CCDC171: variants seen among roughly 807,000 people sequenced by gnomAD.
CCDC171 encodes the protein coiled-coil domain-containing protein 171.
Under a neutral mutation model 168.2 loss-of-function variants are expected in CCDC171, and 177 were observed. The observed-to-expected ratio is 1.05, with a 90% confidence interval of 0.93 to 1.19. The LOEUF (loss-of-function observed/expected upper bound fraction) is 1.19, where lower values mean the gene tolerates loss of function less well. Among genes scored for constraint, CCDC171 ranks in the 50% most tolerant of loss-of-function variants. The pLI is 0.00. For synonymous variants in CCDC171, 687 were observed against 540.8 expected (o/e 1.27, Z -3.75); for missense variants, 1,991 against 1,539.0 (o/e 1.29, Z -4.91).
In CCDC171 at chr9:15,874,515, T is replaced by C. The variant is rs766432519; in HGVS notation, c.3469-17T>C. The C allele has an allele frequency of 4.4e-6, 7 of 1,579,496 alleles. No homozygotes were observed. Among genetic ancestry groups the C allele is most frequent in the Non-Finnish European group, 6.0e-6 (7 of 1,163,068 alleles). ...TCTGAAGGGGAATTACCATTGATGCTGTTTTTTTCCCTTTAGGTCAGAGAT... is the reference window on the plus strand; with the variant it reads ...TCTGAAGGGGAATTACCATTGATGCCGTTTTTTTCCCTTTAGGTCAGAGAT... On this transcript the variant is annotated splice_polypyrimidine_tract_variant and intron_variant, in intron 23 of 25. Transcript: ENST00000380701.
chr9:15,823,865 A>G (rs997189613), intron 21 of CCDC171, among the ~76,000 whole-genome samples: 3 of 152,140 alleles, frequency 2.0e-5, no homozygotes, highest in Non-Finnish European at 4.4e-5. Flanking sequence ...GATTTACATG[A>G]CAGAGAAAAA....
intron 10 of CCDC171, among the ~76,000 whole-genome samples, chr9:15,694,630 T>C (rs952603879): frequency 6.6e-6 from 1 of 152,204 alleles, no homozygotes; most frequent in South Asian, 2.1e-4. Context: ...CGTACTTCCC[T>C]TATCCTCATC....
intron 21 of CCDC171, among the ~76,000 whole-genome samples, chr9:15,806,683 A>C (rs1049581418): frequency 6.6e-6 from 1 of 151,988 alleles, no homozygotes; most frequent in Admixed American, 6.6e-5. Flanking sequence ...AATCTTGGAA[A>C]ATCTGATGAT....
intron 7 of CCDC171, among the ~76,000 whole-genome samples, chr9:15,646,146 T>C (rs1426537779): frequency 6.6e-6 from 1 of 152,158 alleles, no homozygotes; most frequent in Non-Finnish European, 1.5e-5. Flanking sequence ...CCAGCCAAAC[T>C]AAGCTTCATA....
chr9:15,623,091 A>G lies in CCDC171; in HGVS notation c.676-176A>G, dbSNP rs570766000. Among the ~76,000 whole-genome samples the G allele has an allele frequency of 7.2e-5, 11 of 152,324 alleles. 1 individual carries two copies. The South Asian group carries it at 2.1e-3, about 29-fold the overall frequency. On this transcript the variant is annotated intron_variant, in intron 6 of 25. Coordinates refer to ENST00000380701, the MANE Select transcript of CCDC171 (RefSeq NM_173550.4). ...CTAAAACTTCAGTATTGCTTTTTAA[A>G]CACATGGACATTCTGAAACATTGAT...
chr9:15,621,922 T>C (rs1035411808), intron 6 of CCDC171, among the ~76,000 whole-genome samples: 1 of 152,210 alleles, frequency 6.6e-6, no homozygotes, highest in African/African-American at 2.4e-5. Context: ...AAATGTGATA[T>C]ATATACATCA....
intron 15 of CCDC171, among the ~76,000 whole-genome samples, chr9:15,729,018 A>C (rs1359582656): frequency 1.3e-5 from 2 of 152,168 alleles, no homozygotes; most frequent in African/African-American, 4.8e-5. Flanking sequence ...CACAGATGCT[A>C]TTCTTGATTG....
Position 15,929,966 on chromosome 9 carries a change from G to T in CCDC171, c.3753+9544G>T, listed in dbSNP as rs569305393. ...TGGCAGAAGAAGTAAGAGTTCCTTTGTTCTGATCGTTTGTCACTGTATTTA... is the reference window on the plus strand; with the variant it reads ...TGGCAGAAGAAGTAAGAGTTCCTTTTTTCTGATCGTTTGTCACTGTATTTA... On this transcript the variant is annotated intron_variant, in intron 25 of 25. Transcript: ENST00000380701. Among the ~76,000 whole-genome samples the T allele has an allele frequency of 2.7e-4, 41 of 151,648 alleles. 1 individual carries two copies. Among genetic ancestry groups the T allele is most frequent in the Admixed American group, 2.4e-3 (36 of 15,188 alleles).
At chr9:15,961,013 G>T (rs1224238493) in intron 25 of CCDC171, among the ~76,000 whole-genome samples, 2 of 151,174 alleles carry the variant, frequency 1.3e-5, no homozygotes, top group Non-Finnish European at 3.0e-5. Context: ...GGAGGGGCAT[G>T]CAAAAAAAAA....
At chr9:15,786,784 G>T (rs991038410) in intron 21 of CCDC171, among the ~76,000 whole-genome samples, 1 of 152,046 alleles carries the variant, frequency 6.6e-6, no homozygotes, top group South Asian at 2.1e-4. Flanking sequence ...TATCCTAACT[G>T]ATCAATCAAC....
chr9:15,750,833 G>C (rs1483402420), intron 18 of CCDC171, among the ~76,000 whole-genome samples: 1 of 152,144 alleles, frequency 6.6e-6, no homozygotes, highest in Non-Finnish European at 1.5e-5. Flanking sequence ...TACTGAATGG[G>C]CAAAAGCTGG....
chr9:15,796,893 A>C (rs537196860), intron 21 of CCDC171, among the ~76,000 whole-genome samples: 12 of 152,332 alleles, frequency 7.9e-5, no homozygotes, highest in African/African-American at 2.9e-4. Flanking sequence ...GGGAGAAACC[A>C]GTGGGTGACT....
intron 16 of CCDC171, among the ~76,000 whole-genome samples, chr9:15,742,856 C>G (rs1352051717): frequency 2.6e-5 from 4 of 151,710 alleles, no homozygotes; most frequent in African/African-American, 7.3e-5. Context: ...CTAGGCTGGT[C>G]TCAAATTCCT....
At chr9:15,739,664 C>T (rs2054722167) in intron 16 of CCDC171, among the ~76,000 whole-genome samples, 1 of 151,988 alleles carries the variant, frequency 6.6e-6, no homozygotes, top group African/African-American at 2.4e-5. Flanking sequence ...TAATAGGTCT[C>T]ACAGTATCCA....
intron 25 of CCDC171, among the ~76,000 whole-genome samples, chr9:15,937,965 C>T (rs927537537): frequency 1.3e-5 from 2 of 151,730 alleles, no homozygotes; most frequent in Non-Finnish European, 3.0e-5. Flanking sequence ...ATAGTATGTA[C>T]GTCTTGAAAG....
the CCDC171 span, among the ~76,000 whole-genome samples, chr9:16,088,517 C>A: frequency 1.3e-5 from 2 of 152,204 alleles, no homozygotes; most frequent in East Asian, 3.8e-4. Context: ...GCAACTTCAG[C>A]AAAGTCTCAG....
intron 25 of CCDC171, among the ~76,000 whole-genome samples, chr9:15,950,167 A>G (rs1194532985): frequency 6.6e-6 from 1 of 152,164 alleles, no homozygotes; most frequent in East Asian, 1.9e-4. Flanking sequence ...CCTGAAAGTG[A>G]CGGGGAGAAT....
chr9:15,856,206 C>T (rs1442493059), intron 23 of CCDC171, among the ~76,000 whole-genome samples: 1 of 151,862 alleles, frequency 6.6e-6, no homozygotes, highest in African/African-American at 2.4e-5. Context: ...AAGATCTAGC[C>T]TCTTAATGGA....
chr9:15,946,290 TCTC>T (rs935959907), intron 25 of CCDC171, among the ~76,000 whole-genome samples: 2 of 151,786 alleles, frequency 1.3e-5, no homozygotes, highest in Admixed American at 1.3e-4. Context: ...GTAGCCAAAA[TCTC>T]CTTAAGCTGA....
Sources: gnomAD v4.1 joint callset for allele counts (sites outside exome capture counted in the v4.1 genomes callset) on GRCh38, gnomAD v4.1.1 for gene constraint, MANE v1.5 for transcripts, NCBI Gene and HGNC (gene_info 2026-07-23, HGNC 2026-07-21) for gene names.